GALNT13: variants seen among roughly 807,000 people sequenced by gnomAD.
GALNT13 encodes the protein polypeptide N-acetylgalactosaminyltransferase 13, also known as UDP-GalNAc:polypeptide N-acetylgalactosaminyltransferase 13.
Under a neutral mutation model 64.2 loss-of-function variants are expected in GALNT13, and 28 were observed. The ratio of observed to expected loss-of-function variants is 0.44; its 90% CI spans 0.32 to 0.60. The LOEUF is 0.60. Ranked by LOEUF, GALNT13 falls within the 20% of genes least tolerant of loss-of-function variation. The pLI, the probability that GALNT13 is intolerant of heterozygous loss-of-function variation, is 0.05. For missense variants in GALNT13, 577 were observed against 669.8 expected (o/e 0.86, Z 1.53); for synonymous variants, 214 against 224.6 (o/e 0.95, Z 0.42).
chr2:153,506,665 A>G, the GALNT13 span, among the ~76,000 whole-genome samples: 5 of 152,150 alleles, frequency 3.3e-5, no homozygotes, highest in African/African-American at 4.8e-5. Flanking sequence ...TAAAGATAGG[A>G]CCCCAATCCC....
the GALNT13 span, among the ~76,000 whole-genome samples, chr2:153,228,903 C>T: frequency 6.7e-6 from 1 of 150,284 alleles, no homozygotes; most frequent in South Asian, 2.1e-4. Flanking sequence ...AAGTAGATAC[C>T]GCTTGTAATT....
the GALNT13 span, among the ~76,000 whole-genome samples, chr2:153,459,344 C>T: frequency 6.6e-6 from 1 of 151,994 alleles, no homozygotes; most frequent in African/African-American, 2.4e-5. Flanking sequence ...CTGCCAGGCA[C>T]AGTAGTGTGT....
the GALNT13 span, among the ~76,000 whole-genome samples, chr2:153,796,170 G>T: frequency 6.6e-6 from 1 of 152,176 alleles, no homozygotes; most frequent in Non-Finnish European, 1.5e-5. Context: ...TACAGGAAAA[G>T]ACCCATTATA....
chr2:154,140,552 A>G (rs774876714), intron 4 of GALNT13, 47 bp downstream of exon 4: 25 of 1,347,056 alleles, frequency 1.9e-5, no homozygotes, highest in Admixed American at 3.9e-5. Flanking sequence ...TAATCACCAT[A>G]TTTCAGAATC....
chr2:153,477,350 G>A, the GALNT13 span: 1 of 152,620 alleles, frequency 6.6e-6, no homozygotes, highest in East Asian at 1.9e-4. Context: ...ACGCTTAAAT[G>A]TTGCATTTAT....
At chr2:153,994,744 G>A (rs529789452) in intron 3 of GALNT13, among the ~76,000 whole-genome samples, 12 of 151,074 alleles carry the variant, frequency 7.9e-5, no homozygotes, top group East Asian at 5.8e-4. Flanking sequence ...CATATCCTTC[G>A]CCCACTTGTT....
chr2:153,843,659 T>C, the GALNT13 span, among the ~76,000 whole-genome samples: 1 of 152,204 alleles, frequency 6.6e-6, no homozygotes, highest in African/African-American at 2.4e-5. Flanking sequence ...CAAGGTTTCA[T>C]GTGTAACAAG....
At chr2:153,844,607 G>A in the GALNT13 span, among the ~76,000 whole-genome samples, 3 of 152,142 alleles carry the variant, frequency 2.0e-5, no homozygotes, top group Non-Finnish European at 4.4e-5. Flanking sequence ...TCTAACAAGT[G>A]GTTGCTTTAT....
chr2:153,084,704 C>T, the GALNT13 span, among the ~76,000 whole-genome samples: 4 of 152,162 alleles, frequency 2.6e-5, no homozygotes, highest in South Asian at 8.3e-4. Context: ...TCCTCATTTG[C>T]CTTCAGCCAT....
the GALNT13 span, among the ~76,000 whole-genome samples, chr2:153,595,157 G>T: frequency 6.6e-6 from 1 of 151,872 alleles, no homozygotes; most frequent in African/African-American, 2.4e-5. Flanking sequence ...AAATATTTTA[G>T]AGTTGGTAAT....
At position 154,242,108 on chromosome 2, in the gene GALNT13, T is replaced by C; in HGVS notation, c.390T>C (p.Thr130=). ...TGTTTCATAATGAAGCTTGGAGCAC[T>C]CTCCTTAGAACTGTTTACAGTGTGA... ...VIVFHNEAWS[T]LLRTVYSVIN... is the part of the protein sequence containing the mutation. Residue 130 remains threonine (T), a synonymous_variant, in exon 5 of 13, where the codon ACT becomes ACC. Transcript: ENST00000392825. The C allele has an allele frequency of 6.2e-7, 1 of 1,611,944 alleles. No individual in the cohort carries two copies. The highest frequency in any genetic ancestry group is 8.5e-7 in the Non-Finnish European group (1 of 1,178,538).
chr2:154,141,309 A>G (rs1683245593), intron 4 of GALNT13, among the ~76,000 whole-genome samples: 3 of 152,152 alleles, frequency 2.0e-5, no homozygotes, highest in South Asian at 4.1e-4. Context: ...TTAACCTTAC[A>G]TTACTGTGAT....
the GALNT13 span, among the ~76,000 whole-genome samples, chr2:153,562,273 C>A: frequency 6.6e-6 from 1 of 152,060 alleles, no homozygotes; most frequent in Admixed American, 6.6e-5. Context: ...ACACTTAGTT[C>A]GTTTTTTTAT....
intron 1 of GALNT13, among the ~76,000 whole-genome samples, chr2:153,875,171 A>G (rs1157606430): frequency 2.6e-5 from 4 of 152,206 alleles, no homozygotes; most frequent in Middle Eastern, 3.4e-3. Flanking sequence ...TTCCTAAAGT[A>G]CCTGGAAACA....
the GALNT13 span, among the ~76,000 whole-genome samples, chr2:153,464,344 C>T: frequency 2.0e-5 from 3 of 152,028 alleles, no homozygotes; most frequent in African/African-American, 7.2e-5. Context: ...TACAAGATTC[C>T]TTCTAGGAAG....
the GALNT13 span, among the ~76,000 whole-genome samples, chr2:153,714,598 G>T: frequency 6.6e-6 from 1 of 152,084 alleles, no homozygotes; most frequent in Non-Finnish European, 1.5e-5. Context: ...TAAACAATTT[G>T]CAATGTTATA....
intron 2 of GALNT13, among the ~76,000 whole-genome samples, chr2:153,901,356 A>G (rs1688224405): frequency 6.6e-6 from 1 of 152,156 alleles, no homozygotes; most frequent in African/African-American, 2.4e-5. Context: ...TAATTATATG[A>G]ACAATATCGT....
chr2:153,866,944 A>G (rs556792838), upstream of GALNT13, among the ~76,000 whole-genome samples: 1 of 152,312 alleles, frequency 6.6e-6, no homozygotes, highest in African/African-American at 2.4e-5. Context: ...TATCATCTCT[A>G]CTTTTCTTTC....
chr2:153,285,186 A>G, the GALNT13 span, among the ~76,000 whole-genome samples: 1 of 152,098 alleles, frequency 6.6e-6, no homozygotes, highest in Non-Finnish European at 1.5e-5. Flanking sequence ...TTATAAAACC[A>G]TCAGATCTCA....
Sources: allele counts gnomAD v4.1 joint callset (sites outside exome capture counted in the v4.1 genomes callset), GRCh38; gene constraint gnomAD v4.1.1; transcripts MANE v1.5; gene names NCBI Gene and HGNC (gene_info 2026-07-23, HGNC 2026-07-21).